Variants in TSPAN9 observed in about 807,000 individuals in gnomAD.
TSPAN9 encodes tetraspanin 9.
In TSPAN9, 16 loss-of-function variants were observed where a neutral mutation model predicts 31.0. That is an observed-to-expected ratio of 0.52 (90% CI 0.35 to 0.78). The LOEUF (loss-of-function observed/expected upper bound fraction) is 0.78, where lower values mean the gene tolerates loss of function less well. Ranked by LOEUF, TSPAN9 falls within the 30% of genes least tolerant of loss-of-function variation. TSPAN9 has a pLI of 0.01. For synonymous variants in TSPAN9, 145 were observed against 121.6 expected (o/e 1.19, Z -1.27); for missense variants, 272 against 312.5 (o/e 0.87, Z 0.98).
At chr12:3,110,542 T>C (rs891621053) in intron 2 of TSPAN9, among the ~76,000 whole-genome samples, 2 of 152,144 alleles carry the variant, frequency 1.3e-5, no homozygotes, top group Non-Finnish European at 2.9e-5. Flanking sequence ...GTCCAATGGG[T>C]GTTTTTTTTC....
At position 3,172,549 on chromosome 12, in the gene TSPAN9, C is replaced by T. The variant is rs972828804; in HGVS notation, c.-17-28628C>T. On this transcript the variant is annotated intron_variant, in intron 2 of 8. Coordinates refer to ENST00000011898, the MANE Select transcript of TSPAN9 (RefSeq NM_006675.5). This position sits in a 1 kb window ranked among gnomAD's most constrained non-coding sequence, Gnocchi z 4.8. The stretch of plus-strand genomic sequence containing the variant: ...ACCCTAGCGCATAGAATCATAACCG[C>T]GGGGGTCTGGTCTGGGGTGTTTTCA... 6.6e-6 allele frequency: 1 copy of T among 152,188 alleles called. No individual in the cohort carries two copies. The highest frequency in any genetic ancestry group is 1.5e-5 in the Non-Finnish European group (1 of 68,068). The allele number at this position is 152,188 out of a possible 1,614,324, so 9.4% of individuals were successfully genotyped here. A position where few individuals can be genotyped will look rare whatever the true frequency, so the allele number is the denominator to read the frequency against.
At chr12:3,081,844 G>GTGTATATATATATATATATATATA (rs57812985) in intron 1 of TSPAN9, among the ~76,000 whole-genome samples, 17 of 116,770 alleles carry the variant, frequency 1.5e-4, no homozygotes, top group African/African-American at 5.1e-4. Context: ...GTCTGTGTGT[G>GTGTATATATATATATATATATATA]TATATATATG....
chr12:3,146,063 C>A (rs1322837591), intron 2 of TSPAN9, among the ~76,000 whole-genome samples: 1 of 152,236 alleles, frequency 6.6e-6, no homozygotes, highest in Non-Finnish European at 1.5e-5. Context: ...CACTTTGAGG[C>A]TGTGAGCTCC....
intron 3 of TSPAN9, among the ~76,000 whole-genome samples, chr12:3,207,286 T>TC (rs1231405807): frequency 2.0e-5 from 3 of 151,956 alleles, no homozygotes; most frequent in Non-Finnish European, 2.9e-5. Context: ...CCCTGTTTTC[T>TC]CCCCCCTTTC....
intron 2 of TSPAN9, chr12:3,149,768 C>A (rs1373231461): frequency 2.0e-5 from 3 of 152,214 alleles, no homozygotes; most frequent in Non-Finnish European, 4.4e-5. Context: ...ATAATTCAGG[C>A]TCCTGGGCCC....
In TSPAN9 at chr12:3,279,004, C is replaced by T; in HGVS notation, c.268C>T (p.Leu90=). 1 of 1,614,156 alleles carries T rather than the reference C, an allele frequency of 6.2e-7. No homozygotes were observed. The highest frequency in any genetic ancestry group is 8.5e-7 in the Non-Finnish European group (1 of 1,180,012). ...KCLLLSFFIV[L]LVILLAELIL... ...CTTTCCTTTCCAGTTTTTCATCGTC[C>T]TGTTGGTCATCCTCCTAGCAGAGCT... The change falls in exon 5 of 9, where the codon CTG becomes TTG. Residue 90 remains leucine (L), a synonymous_variant. Transcript: ENST00000011898.
At chr12:3,226,788 A>ATTTTTTTTT (rs2098388006) in intron 3 of TSPAN9, among the ~76,000 whole-genome samples, 1 of 9,844 alleles carries the variant, frequency 1.0e-4, no homozygotes, top group Non-Finnish European at 1.6e-4. Flanking sequence ...ATATATATAT[A>ATTTTTTTTT]TATATATTTT....
At chr12:3,205,146 G>A (rs977180263) in intron 3 of TSPAN9, among the ~76,000 whole-genome samples, 3 of 152,300 alleles carry the variant, frequency 2.0e-5, no homozygotes, top group East Asian at 1.9e-4. Flanking sequence ...GGCTGCTGGC[G>A]TAATTGCTAC....
At chr12:3,145,206 C>T (rs1390524269) in intron 2 of TSPAN9, among the ~76,000 whole-genome samples, 3 of 152,286 alleles carry the variant, frequency 2.0e-5, no homozygotes, top group South Asian at 2.1e-4. Context: ...CGGTCAGGAC[C>T]GCGACTGCCC....
At chr12:3,201,382 T>A (rs1022263239) in intron 3 of TSPAN9, 126 bp downstream of exon 3, 25 of 906,066 alleles carry the variant, frequency 2.8e-5, no homozygotes, top group African/African-American at 8.4e-5. Flanking sequence ...AGTGTGCTTT[T>A]AAAAAAAAAT....
intron 3 of TSPAN9, among the ~76,000 whole-genome samples, chr12:3,256,573 A>T (rs1862350111): frequency 6.6e-6 from 1 of 152,126 alleles, no homozygotes; most frequent in African/African-American, 2.4e-5. Flanking sequence ...TAGGGCTGGG[A>T]GGGCCGGATG....
intron 2 of TSPAN9, among the ~76,000 whole-genome samples, chr12:3,089,238 G>GAA (rs1173866285): frequency 1.0e-5 from 1 of 96,618 alleles, no homozygotes. Context: ...TCTCAAAAAA[G>GAA]AAAAAAAAAA....
intron 1 of TSPAN9, among the ~76,000 whole-genome samples, chr12:3,081,844 G>GTATATATATATATATATATATATATA (rs57307487): frequency 1.7e-5 from 2 of 116,738 alleles, no homozygotes; most frequent in African/African-American, 3.7e-5. Context: ...GTCTGTGTGT[G>GTATATATATATATATATATATATATA]TATATATATG....
chr12:3,212,692 G>A (rs2153974136), intron 3 of TSPAN9, among the ~76,000 whole-genome samples: 1 of 152,326 alleles, frequency 6.6e-6, no homozygotes, highest in Non-Finnish European at 1.5e-5. Flanking sequence ...GGATGGAGGA[G>A]CCCGCTAGCC....
chr12:3,252,158 T>C (rs1862254957), intron 3 of TSPAN9, among the ~76,000 whole-genome samples: 1 of 152,142 alleles, frequency 6.6e-6, no homozygotes, highest in Non-Finnish European at 1.5e-5. Context: ...TACCTCCATG[T>C]TCAGAGTTGC....
rs577259735 is a variant in TSPAN9, at chr12:3,224,359, G to A, written c.63+23103G>A. 5.3e-5 allele frequency among the ~76,000 whole-genome samples: 8 copies of A among 152,378 alleles called. No homozygotes were observed. The East Asian group carries it at 1.5e-3, about 29-fold the overall frequency. ...CGCCCTCACGGGCTGGTGAAGTGGA[G>A]TAAGAGCCCTTGGAGATCTGTGGAG... On this transcript the variant is annotated intron_variant, in intron 3 of 8. Transcript: ENST00000011898.
chr12:3,184,963 T>G (rs1398853990), intron 2 of TSPAN9, among the ~76,000 whole-genome samples: 1 of 152,080 alleles, frequency 6.6e-6, no homozygotes, highest in Non-Finnish European at 1.5e-5. Context: ...GCATCCTTGC[T>G]TTGTTACTAA....
intron 3 of TSPAN9, among the ~76,000 whole-genome samples, chr12:3,258,070 G>T (rs1472901780): frequency 6.6e-6 from 1 of 152,210 alleles, no homozygotes; most frequent in Non-Finnish European, 1.5e-5. Context: ...TGAGTGCAGG[G>T]CAGAGGATTT....
chr12:3,244,325 A>G (rs1215097254), intron 3 of TSPAN9, among the ~76,000 whole-genome samples: 1 of 152,018 alleles, frequency 6.6e-6, no homozygotes, highest in Non-Finnish European at 1.5e-5. Context: ...TGGACCTCCA[A>G]AGCCCTTCAG....
Sources: gnomAD v4.1 joint callset for allele counts (sites outside exome capture counted in the v4.1 genomes callset) on GRCh38, gnomAD v4.1.1 for gene constraint, Gnocchi (gnomAD v3.1) non-coding constraint, MANE v1.5 for transcripts, NCBI Gene and HGNC (gene_info 2026-07-23, HGNC 2026-07-21) for gene names.